The following ASIC2 variants were observed in gnomAD, a reference collection of about 807,000 sequenced individuals.
ASIC2 encodes the protein acid-sensing ion channel 2.
Under a neutral mutation model 57.3 loss-of-function variants are expected in ASIC2, and 25 were observed. The ratio of observed to expected loss-of-function variants is 0.44; its 90% confidence interval spans 0.32 to 0.61. ASIC2 has a LOEUF of 0.61. ASIC2 is among the 20% of genes least tolerant of loss of function. The pLI is 0.06. For synonymous variants in ASIC2, 319 were observed against 307.5 expected (o/e 1.04, Z -0.39); for missense variants, 641 against 738.1 (o/e 0.87, Z 1.52).
intron 1 of ASIC2, among the ~76,000 whole-genome samples, chr17:33,871,930 A>T (rs544371420): frequency 3.2e-4 from 48 of 152,134 alleles, no homozygotes; most frequent in African/African-American, 1.1e-3. Context: ...AGGGAGAGAG[A>T]GAGAGCTTGG....
chr17:33,332,475 G>T (rs1907350335), intron 1 of ASIC2, among the ~76,000 whole-genome samples: 1 of 152,124 alleles, frequency 6.6e-6, no homozygotes, highest in African/African-American at 2.4e-5. Context: ...TATCCTCACA[G>T]CATGTCTTAT....
intron 3 of ASIC2, among the ~76,000 whole-genome samples, chr17:33,073,667 A>G (rs1205039184): frequency 2.6e-5 from 4 of 152,222 alleles, no homozygotes; most frequent in Non-Finnish European, 5.9e-5. Flanking sequence ...ATGGAATGCT[A>G]AGACTCATTT....
chr17:33,716,506 A>G (rs1451374647), intron 1 of ASIC2, among the ~76,000 whole-genome samples: 1 of 152,052 alleles, frequency 6.6e-6, no homozygotes, highest in Non-Finnish European at 1.5e-5. Context: ...CTATTTCCAA[A>G]CTCAGGCTTT....
chr17:33,907,414 A>C (rs1209012848), intron 1 of ASIC2, among the ~76,000 whole-genome samples: 1 of 152,218 alleles, frequency 6.6e-6, no homozygotes, highest in Non-Finnish European at 1.5e-5. Context: ...TGCAATTGCC[A>C]TCAATGGTGC....
At chr17:33,102,761 A>AATTT (rs1333065386) in intron 2 of ASIC2, among the ~76,000 whole-genome samples, 4 of 151,846 alleles carry the variant, frequency 2.6e-5, no homozygotes, top group African/African-American at 9.7e-5. Context: ...TCACATTTTA[A>AATTT]ATTTATTTGT....
intron 1 of ASIC2, among the ~76,000 whole-genome samples, chr17:33,927,348 T>C (rs542670939): frequency 1.3e-5 from 2 of 152,294 alleles, no homozygotes; most frequent in African/African-American, 2.4e-5. Flanking sequence ...AAGAATTGAC[T>C]CTCCAATGTG....
intron 1 of ASIC2, among the ~76,000 whole-genome samples, chr17:33,205,253 T>C (rs1228854579): frequency 6.6e-6 from 1 of 152,190 alleles, no homozygotes; most frequent in Admixed American, 6.5e-5. Context: ...TGTGTGCCCC[T>C]TGCATCACCT....
At chr17:33,308,130 A>G (rs965585089) in intron 1 of ASIC2, among the ~76,000 whole-genome samples, 1 of 152,242 alleles carries the variant, frequency 6.6e-6, no homozygotes, top group African/African-American at 2.4e-5. Flanking sequence ...AATTGATAAC[A>G]GAACTGATAA....
At chr17:33,779,967 CTTT>C (rs759850922) in intron 1 of ASIC2, among the ~76,000 whole-genome samples, 1 of 85,206 alleles carries the variant, frequency 1.2e-5, no homozygotes, top group Non-Finnish European at 2.1e-5. Context: ...CTACAGAAGC[CTTT>C]TTTTTTTTTT....
At chr17:34,149,152 G>C (rs1904419927) in intron 1 of ASIC2, among the ~76,000 whole-genome samples, 1 of 143,048 alleles carries the variant, frequency 7.0e-6, no homozygotes, top group African/African-American at 2.7e-5. Flanking sequence ...TGTTGCCCAG[G>C]CTGGAGTGCA....
chr17:34,093,994 G>A (rs764423473), intron 1 of ASIC2, among the ~76,000 whole-genome samples: 28 of 152,246 alleles, frequency 1.8e-4, no homozygotes, highest in East Asian at 5.8e-4. Context: ...TTAATGCAGC[G>A]CACATGCTAC....
chr17:33,826,764 G>T (rs1472331402), intron 1 of ASIC2, among the ~76,000 whole-genome samples: 1 of 152,118 alleles, frequency 6.6e-6, no homozygotes, highest in Non-Finnish European at 1.5e-5. Context: ...AGAGATATAG[G>T]GTGGAAAAGG....
intron 1 of ASIC2, among the ~76,000 whole-genome samples, chr17:33,366,185 T>C (rs1291005618): frequency 6.6e-6 from 1 of 152,206 alleles, no homozygotes; most frequent in Non-Finnish European, 1.5e-5. Context: ...TTCATCATCA[T>C]TGATTCTTAG....
At chr17:33,216,656 G>A (rs1907499570) in intron 1 of ASIC2, among the ~76,000 whole-genome samples, 1 of 152,226 alleles carries the variant, frequency 6.6e-6, no homozygotes, top group Non-Finnish European at 1.5e-5. Context: ...GCTTGGGGGA[G>A]GAAAGAAATG....
intron 1 of ASIC2, among the ~76,000 whole-genome samples, chr17:33,363,474 C>T (rs545944666): frequency 4.4e-4 from 67 of 152,354 alleles, no homozygotes; most frequent in Middle Eastern, 6.8e-3. Context: ...AAATCCTCCT[C>T]TCTGCTCCCA....
Position 33,366,257 on chromosome 17 carries a change from T to C in ASIC2, c.556-254190A>G, listed in dbSNP as rs118184645. Among the ~76,000 whole-genome samples, 950 of 152,382 alleles carry C rather than the reference T, an allele frequency of 6.2e-3. 1 individual carries two copies. Among genetic ancestry groups the C allele is most frequent in the Non-Finnish European group, 0.01 (685 of 68,042 alleles). On this transcript the variant is annotated intron_variant, in intron 1 of 9. Coordinates refer to the ASIC2 transcript ENST00000359872. ...CTGAATAAAATCTGAAGTTTTAAGC[T>C]AGTTTTATGGTTGTATAATTCTGGA...
intron 1 of ASIC2, among the ~76,000 whole-genome samples, chr17:33,343,142 G>A (rs542113194): frequency 4.6e-5 from 7 of 152,170 alleles, no homozygotes; most frequent in Non-Finnish European, 8.8e-5. Flanking sequence ...AAGACAAAAA[G>A]CTGTGAGCCC....
At chr17:33,857,632 C>T (rs1913997083) in intron 1 of ASIC2, among the ~76,000 whole-genome samples, 1 of 152,198 alleles carries the variant, frequency 6.6e-6, no homozygotes. Context: ...AACGTCAAAG[C>T]TCAGAGAGGG....
At chr17:33,859,293 T>C (rs1387087426) in intron 1 of ASIC2, among the ~76,000 whole-genome samples, 1 of 152,194 alleles carries the variant, frequency 6.6e-6, no homozygotes, top group Non-Finnish European at 1.5e-5. Context: ...TTCCTAGTTC[T>C]ATAGCACAAT....
Sources: gnomAD v4.1 joint callset for allele counts (sites outside exome capture counted in the v4.1 genomes callset) on GRCh38, gnomAD v4.1.1 for gene constraint, MANE v1.5 for transcripts, NCBI Gene and HGNC (gene_info 2026-07-23, HGNC 2026-07-21) for gene names.